PREPL: variants seen among roughly 807,000 people sequenced by gnomAD.
PREPL encodes the protein prolyl endopeptidase like.
In PREPL, 77 loss-of-function variants were observed where a neutral mutation model predicts 70.6. The ratio of observed to expected loss-of-function variants is 1.09; its 90% confidence interval spans 0.91 to 1.32. The LOEUF is 1.32. Ranked by LOEUF, PREPL falls within the 40% of genes most tolerant of loss-of-function variation. The pLI is 0.00. For synonymous variants in PREPL, 315 were observed against 264.8 expected (o/e 1.19, Z -1.84); for missense variants, 1,002 against 778.2 (o/e 1.29, Z -3.42).
At chr2:44,344,750 A>G (rs563078133) in intron 2 of PREPL, among the ~76,000 whole-genome samples, 164 bp from the exon 3 acceptor site, 1 of 152,256 alleles carries the variant, frequency 6.6e-6, no homozygotes. Context: ...TTTACAATGT[A>G]GTTGATAAGA....
In PREPL at chr2:44,351,356, G is replaced by A. The variant is rs72804955; in HGVS notation, c.-48-4966C>T. 3.1e-3 allele frequency among the ~76,000 whole-genome samples: 467 copies of A among 152,052 alleles called. 2 individuals carry two copies. Among genetic ancestry groups the A allele is most frequent in the Non-Finnish European group, 5.2e-3 (356 of 67,978 alleles). On this transcript the variant is annotated intron_variant, in intron 1 of 13. Transcript: ENST00000409411. ...TCATGACCTTAAATACCATTTATAT[G>A]CTAAGGACTCCCAAATTTACAGCTG... is the stretch of plus-strand genomic sequence containing the variant.
rs554147703 is a variant in PREPL at position 44,334,067 on chromosome 2, T to A, written c.889-1411A>T. Reference sequence around the variant, plus strand: ...AATGGGACCAACATTAATGTTTTAATCATAATAAAAACTGTTTCAAGGCTA... The same window carrying A: ...AATGGGACCAACATTAATGTTTTAAACATAATAAAAACTGTTTCAAGGCTA... On this transcript the variant is annotated intron_variant, in intron 7 of 13. Coordinates refer to ENST00000409411, the MANE Select transcript of PREPL (RefSeq NM_001171613.2). Among the ~76,000 whole-genome samples the A allele has an allele frequency of 3.2e-4, 48 of 152,328 alleles. No individual in the cohort carries two copies. The Middle Eastern group carries it at 0.014, about 43-fold the overall frequency.
chr2:44,327,873 A>G (rs576797067), intron 9 of PREPL, among the ~76,000 whole-genome samples: 2 of 151,928 alleles, frequency 1.3e-5, no homozygotes, highest in Non-Finnish European at 2.9e-5. Flanking sequence ...AAAAAAATAC[A>G]AAACAAAATA....
intron 5 of PREPL, among the ~76,000 whole-genome samples, chr2:44,341,671 C>T (rs903759493): frequency 1.3e-5 from 2 of 150,346 alleles, no homozygotes; most frequent in Non-Finnish European, 3.0e-5. Flanking sequence ...TTATTTCTAT[C>T]GACAATTATT....
chr2:44,324,385 G>C (rs1232154125), intron 10 of PREPL, among the ~76,000 whole-genome samples: 3 of 152,150 alleles, frequency 2.0e-5, no homozygotes, highest in Non-Finnish European at 2.9e-5. Context: ...AAATGGTTGA[G>C]ATGGTAAATT....
At chr2:44,323,085 G>A (rs1673141401) in intron 11 of PREPL, among the ~76,000 whole-genome samples, 177 bp downstream of exon 11, 1 of 152,126 alleles carries the variant, frequency 6.6e-6, no homozygotes, top group Non-Finnish European at 1.5e-5. Flanking sequence ...GGCATGATAA[G>A]TCTATTCCCC....
chr2:44,336,864 T>C (rs1303041102), intron 7 of PREPL, among the ~76,000 whole-genome samples: 2 of 152,146 alleles, frequency 1.3e-5, no homozygotes, highest in African/African-American at 2.4e-5. Flanking sequence ...ATTTGATCTT[T>C]TGATTTTAGG....
Position 44,326,138 on chromosome 2 carries a change from G to C in PREPL, c.1479+574C>G, listed in dbSNP as rs112644561. On this transcript the variant is annotated intron_variant, in intron 10 of 13. Coordinates refer to ENST00000409411, the MANE Select transcript of PREPL (RefSeq NM_001171613.2). ...TCAACTGGGACTCATATATGCTTCAGTGCTTTTTCACCAATTCTAAATGTC... is the reference window on the plus strand; with the variant it reads ...TCAACTGGGACTCATATATGCTTCACTGCTTTTTCACCAATTCTAAATGTC... 9.4e-3 allele frequency among the ~76,000 whole-genome samples: 1,436 copies of C among 152,248 alleles called. 23 individuals are homozygous for C. The highest frequency in any genetic ancestry group is 0.033 in the African/African-American group (1,379 of 41,536).
At chr2:44,332,395 T>C in intron 8 of PREPL, 64 bp downstream of exon 8, 5 of 1,392,906 alleles carry the variant, frequency 3.6e-6, no homozygotes, top group Non-Finnish European at 5.0e-6. Flanking sequence ...AACAACTGCA[T>C]GGCATCTGGC....
At chr2:44,327,301 A>G (rs919463236) in intron 9 of PREPL, among the ~76,000 whole-genome samples, 6 of 152,196 alleles carry the variant, frequency 3.9e-5, no homozygotes, top group African/African-American at 1.4e-4. Flanking sequence ...GGGGTAAGAA[A>G]ACAACGACTT....
chr2:44,342,854 T>G (rs1027583467), intron 4 of PREPL, among the ~76,000 whole-genome samples: 1 of 152,176 alleles, frequency 6.6e-6, no homozygotes, highest in African/African-American at 2.4e-5. Context: ...TCACATTTGC[T>G]TTTAGGAGGT....
chr2:44,333,851 A>G (rs1674368884), intron 7 of PREPL, among the ~76,000 whole-genome samples: 1 of 152,166 alleles, frequency 6.6e-6, no homozygotes, highest in Non-Finnish European at 1.5e-5. Context: ...AAAAGGAAGC[A>G]CTGCTACAAA....
chr2:44,354,451 G>C (rs956948349), intron 1 of PREPL, among the ~76,000 whole-genome samples: 5 of 152,216 alleles, frequency 3.3e-5, no homozygotes, highest in African/African-American at 1.2e-4. Flanking sequence ...TAAATATAGT[G>C]ATTTGACTCC....
rs765297932 is a variant in PREPL, at chr2:44,321,308, CTA to C, written c.*46_*47del. Reference sequence around the variant, plus strand: ...TTTGCTAACTCAATTGGAAGTAAGACTATGAAATATTTCAGTGTGTTTCCAAT... The same window carrying C: ...TTTGCTAACTCAATTGGAAGTAAGACTGAAATATTTCAGTGTGTTTCCAAT... On this transcript the variant is annotated 3_prime_UTR_variant, in exon 14 of 14. Coordinates refer to ENST00000409411, the MANE Select transcript of PREPL (RefSeq NM_001171613.2). The C allele has an allele frequency of 6.3e-6, 9 of 1,436,302 alleles. No homozygotes were observed. The highest frequency in any genetic ancestry group is 2.4e-5 in the South Asian group (2 of 83,268). 89.0% of individuals were successfully genotyped at this position (1,436,302 alleles called of 1,614,324 possible). A position where few individuals can be genotyped will look rare whatever the true frequency, so the allele number is the denominator to read the frequency against.
intron 11 of PREPL, among the ~76,000 whole-genome samples, 159 bp from the exon 12 acceptor site, chr2:44,323,013 A>T (rs1366072836): frequency 6.6e-6 from 1 of 152,060 alleles, no homozygotes; most frequent in Non-Finnish European, 1.5e-5. Context: ...ACAGTAGTAG[A>T]CTACTTGTTA....
At chr2:44,360,021 G>T in intron 1 of PREPL, 1 of 271,700 alleles carries the variant, frequency 3.7e-6, no homozygotes, top group Non-Finnish European at 6.9e-6. Flanking sequence ...ACTGACTCTG[G>T]CACACATAGG....
chr2:44,329,013 C>G lies in PREPL; in HGVS notation c.1186G>C (p.Asp396His). 6.2e-7 allele frequency: 1 copy of G among 1,614,068 alleles called. No homozygotes were observed. Among genetic ancestry groups the G allele is most frequent in the Non-Finnish European group, 8.5e-7 (1 of 1,179,942 alleles). ...LVHVYGAYGMDLKMNFRPERR... is the reference protein window; with the variant it reads ...LVHVYGAYGMHLKMNFRPERR... ...TCAGGCCTGAAATTCATTTTCAAAT[C>G]CATTCCATAAGCTCCATATACATGT... The change falls in exon 9 of 14, where the codon GAT (aspartate) becomes CAT (histidine). Residue 396 changes from aspartate (D) to histidine (H), a missense_variant. Physicochemically the swap from Asp to His is moderately conservative, Grantham distance 81. Transcript: ENST00000409411.
intron 7 of PREPL, 65 bp downstream of exon 7, chr2:44,338,286 T>C: frequency 7.2e-7 from 1 of 1,393,992 alleles, no homozygotes; most frequent in Non-Finnish European, 9.8e-7. Context: ...AAATGTGATG[T>C]TCTGTTAAGC....
In PREPL at chr2:44,319,246, G is replaced by C. The variant is rs922980408; in HGVS notation, c.*2110C>G. The C allele has an allele frequency of 6.6e-6, 1 of 152,558 alleles. No individual in the cohort carries two copies. Among genetic ancestry groups the C allele is most frequent in the Non-Finnish European group, 1.5e-5 (1 of 68,022 alleles). The allele number at this position is 152,558 out of a possible 1,614,324, so 9.5% of individuals were successfully genotyped here. On this transcript the variant is annotated 3_prime_UTR_variant, in exon 14 of 14. Transcript: ENST00000409411. ...AACTATCACCCCAGTAAACATGGCT[G>C]GCAAGAATACAATTAAATGAACATT...
Sources: allele counts gnomAD v4.1 joint callset (sites outside exome capture counted in the v4.1 genomes callset), GRCh38; gene constraint gnomAD v4.1.1; transcripts MANE v1.5; gene names NCBI Gene and HGNC (gene_info 2026-07-23, HGNC 2026-07-21).